DTNA: variants seen among roughly 807,000 people sequenced by gnomAD.
DTNA encodes dystrophin-related protein 3.
DTNA carries 43 observed loss-of-function variants against 100.7 expected under a neutral mutation model. That is an observed-to-expected ratio of 0.43 (90% CI 0.33 to 0.55). The LOEUF (loss-of-function observed/expected upper bound fraction) is 0.55, where lower values mean the gene tolerates loss of function less well. Ranked by LOEUF, DTNA falls within the 20% of genes least tolerant of loss-of-function variation. The pLI, the probability that DTNA is intolerant of heterozygous loss-of-function variation, is 0.04. For missense variants in DTNA, 798 were observed against 953.9 expected (o/e 0.84, Z 2.15); for synonymous variants, 349 against 347.9 (o/e 1.00, Z -0.04).
intron 1 of DTNA, among the ~76,000 whole-genome samples, chr18:34,739,611 A>G (rs2090262035): frequency 6.6e-6 from 1 of 152,168 alleles, no homozygotes; most frequent in South Asian, 2.1e-4. Context: ...GACACTCCAT[A>G]TTCATTTCAT....
intron 1 of DTNA, among the ~76,000 whole-genome samples, chr18:34,642,501 C>T (rs2059385872): frequency 6.6e-6 from 1 of 151,340 alleles, no homozygotes; most frequent in African/African-American, 2.4e-5. Context: ...TCCTTCCTTC[C>T]TTCCTTTCTT....
At chr18:34,653,278 C>T (rs17556495) in intron 1 of DTNA, among the ~76,000 whole-genome samples, 9,093 of 152,136 alleles carry the variant, frequency 0.06, 325 homozygotes, top group Non-Finnish European at 0.075. Flanking sequence ...TTCAGCCTCA[C>T]CTTTAGCATT....
At chr18:34,700,813 G>A (rs1034486733) in intron 1 of DTNA, among the ~76,000 whole-genome samples, 8 of 152,246 alleles carry the variant, frequency 5.3e-5, no homozygotes, top group South Asian at 2.1e-4. Context: ...CTCCCACTCC[G>A]TGTCTGAGCT....
chr18:34,816,714 A>G (rs1351210674), intron 7 of DTNA, among the ~76,000 whole-genome samples: 1 of 152,132 alleles, frequency 6.6e-6, no homozygotes. Context: ...TTGACGAGGA[A>G]ATAATTTAGT....
rs181193302 is a variant in DTNA at position 34,818,498 on chromosome 18, T to G, written c.876+168T>G. The G allele has an allele frequency of 1.7e-4, 259 of 1,511,360 alleles. No individual in the cohort carries two copies. In the East Asian group the frequency reaches 4.1e-3, roughly 24 times the overall value. 93.6% of individuals were successfully genotyped at this position (1,511,360 alleles called of 1,614,324 possible). On this transcript the variant is annotated intron_variant, in intron 8 of 22. Transcript: ENST00000444659. ...TCTCCACCCTACTGCGTGCTCTTAC[T>G]TATTCTGTTGGAACCCAGTGTAGCT...
intron 1 of DTNA, among the ~76,000 whole-genome samples, chr18:34,650,637 T>C (rs746134224): frequency 6.6e-6 from 1 of 152,146 alleles, no homozygotes; most frequent in Non-Finnish European, 1.5e-5. Flanking sequence ...TAAACATTTA[T>C]TGAGCTTAGA....
At chr18:34,508,597 T>C (rs573291107) in intron 1 of DTNA, among the ~76,000 whole-genome samples, 13 of 152,306 alleles carry the variant, frequency 8.5e-5, no homozygotes, top group African/African-American at 3.1e-4. Flanking sequence ...TGCTGAAATA[T>C]AGACAGATGC....
intron 17 of DTNA, among the ~76,000 whole-genome samples, chr18:34,864,499 C>T (rs1266572949): frequency 6.6e-6 from 1 of 152,006 alleles, no homozygotes; most frequent in Non-Finnish European, 1.5e-5. Context: ...GTGATCCGCC[C>T]GCCTCGGCCT....
intron 4 of DTNA, among the ~76,000 whole-genome samples, chr18:34,800,831 C>T (rs111277132): frequency 0.025 from 3,859 of 152,248 alleles, 169 homozygotes; most frequent in African/African-American, 0.087. Context: ...TCCAGCCCTA[C>T]CGATCAATAT....
intron 1 of DTNA, among the ~76,000 whole-genome samples, chr18:34,726,415 AGTCTCTTCT>A (rs1013919119): frequency 2.0e-5 from 3 of 152,104 alleles, no homozygotes; most frequent in Non-Finnish European, 4.4e-5. Context: ...AAAAGTCCAA[AGTCTCTTCT>A]GAGACTCAAG....
intron 1 of DTNA, among the ~76,000 whole-genome samples, chr18:34,527,231 A>G (rs1441376188): frequency 1.3e-5 from 2 of 151,962 alleles, no homozygotes; most frequent in Non-Finnish European, 2.9e-5. Flanking sequence ...AAAGAGTGCA[A>G]CAGTAAAACA....
chr18:34,705,389 G>A (rs550040572), upstream of DTNA, among the ~76,000 whole-genome samples: 1 of 152,284 alleles, frequency 6.6e-6, no homozygotes, highest in African/African-American at 2.4e-5. Flanking sequence ...CATTCATGGG[G>A]TTTCACAGAT....
At chr18:34,737,257 T>C (rs1376122206) in intron 1 of DTNA, among the ~76,000 whole-genome samples, 2 of 152,212 alleles carry the variant, frequency 1.3e-5, no homozygotes. Context: ...AAGGCTGTTA[T>C]CTAAGTTCAA....
chr18:34,844,041 G>A (rs895773399), intron 13 of DTNA, among the ~76,000 whole-genome samples: 3 of 152,028 alleles, frequency 2.0e-5, no homozygotes, highest in African/African-American at 4.8e-5. Flanking sequence ...TATAGAACTG[G>A]ACTTCTGAGA....
chr18:34,581,277 A>AAAACAAAAC (rs2048602105), intron 1 of DTNA, among the ~76,000 whole-genome samples: 1 of 74,936 alleles, frequency 1.3e-5, no homozygotes, highest in Non-Finnish European at 3.2e-5. Context: ...CAAAACAAAA[A>AAAACAAAAC]AACAAAACAA....
At chr18:34,836,705 A>G (rs1230271751) in intron 11 of DTNA, among the ~76,000 whole-genome samples, 1 of 151,816 alleles carries the variant, frequency 6.6e-6, no homozygotes, top group Non-Finnish European at 1.5e-5. Flanking sequence ...CTTTTTAAGT[A>G]CAGCAATACT....
At chr18:34,681,695 A>AACACACACACACACACAC in intron 1 of DTNA, among the ~76,000 whole-genome samples, 1 of 142,998 alleles carries the variant, frequency 7.0e-6, no homozygotes, top group South Asian at 2.3e-4. Context: ...CCCTATACAC[A>AACACACACACACACACAC]ACACACACAC....
intron 1 of DTNA, among the ~76,000 whole-genome samples, chr18:34,533,917 C>T (rs2145575718): frequency 1.3e-5 from 2 of 152,214 alleles, no homozygotes; most frequent in East Asian, 3.9e-4. Flanking sequence ...TGTTTGGATC[C>T]TGTAGGAGCA....
At chr18:34,560,156 C>A (rs914354876) in intron 1 of DTNA, among the ~76,000 whole-genome samples, 4 of 152,122 alleles carry the variant, frequency 2.6e-5, no homozygotes, top group African/African-American at 9.7e-5. Context: ...CCTAATCATC[C>A]TCTCTGGGTT....
Sources: allele counts gnomAD v4.1 joint callset (sites outside exome capture counted in the v4.1 genomes callset), GRCh38; gene constraint gnomAD v4.1.1; transcripts MANE v1.5; gene names NCBI Gene and HGNC (gene_info 2026-07-23, HGNC 2026-07-21).